NEGR1: variants seen among roughly 807,000 people sequenced by gnomAD.
The protein encoded by NEGR1 is IgLON family member 4.
In NEGR1, 10 loss-of-function variants were observed where a neutral mutation model predicts 40.9. The observed-to-expected ratio is 0.24, with a 90% CI of 0.15 to 0.42. NEGR1 has a LOEUF of 0.42. NEGR1 is among the 10% of genes least tolerant of loss of function. The probability of loss-of-function intolerance (pLI) is 1.00; values close to 1 mark genes in which losing one functional copy is unlikely to be tolerated. For synonymous variants in NEGR1, 185 were observed against 166.8 expected, an observed-to-expected ratio of 1.11 and a Z score of -0.84; for missense variants, 352 against 438.9, an observed-to-expected ratio of 0.80 and a Z score of 1.77.
At chr1:71,968,014 A>G (rs1303718751) in intron 1 of NEGR1, among the ~76,000 whole-genome samples, 1 of 151,770 alleles carries the variant, frequency 6.6e-6, no homozygotes, top group African/African-American at 2.4e-5. Flanking sequence ...ACATCTTGCT[A>G]CAACTACGGA....
chr1:71,472,303 T>G (rs1646788002), intron 6 of NEGR1, among the ~76,000 whole-genome samples: 1 of 152,112 alleles, frequency 6.6e-6, no homozygotes, highest in Admixed American at 6.6e-5. Flanking sequence ...TTTTCCTAAT[T>G]TGGAGATATT....
chr1:72,051,439 C>T (rs1647059835), intron 1 of NEGR1, among the ~76,000 whole-genome samples: 1 of 151,410 alleles, frequency 6.6e-6, no homozygotes. Flanking sequence ...GAATCCAGCT[C>T]ACTTATGGTT....
intron 1 of NEGR1, among the ~76,000 whole-genome samples, chr1:72,157,602 G>A (rs1485368854): frequency 2.0e-5 from 3 of 152,080 alleles, no homozygotes; most frequent in African/African-American, 4.8e-5. Context: ...TTTTTAATAT[G>A]AAGAGGTTAT....
At chr1:72,213,113 T>C (rs895904820) in intron 1 of NEGR1, among the ~76,000 whole-genome samples, 3 of 151,958 alleles carry the variant, frequency 2.0e-5, no homozygotes, top group African/African-American at 7.2e-5. Flanking sequence ...GAATAAATAT[T>C]GCATCTTTCA....
chr1:71,885,442 T>C (rs1448482939), intron 2 of NEGR1, among the ~76,000 whole-genome samples: 1 of 152,184 alleles, frequency 6.6e-6, no homozygotes, highest in African/African-American at 2.4e-5. Context: ...GTTTAGTTTT[T>C]TGTTTGTTTG....
chr1:71,730,568 T>TA (rs1491415499), intron 3 of NEGR1, among the ~76,000 whole-genome samples: 3,088 of 124,668 alleles, frequency 0.025, 48 homozygotes, highest in Admixed American at 0.04. Context: ...ATAGTATAAA[T>TA]TTATATATAT....
chr1:71,508,294 T>C (rs1647049165), intron 6 of NEGR1, among the ~76,000 whole-genome samples: 1 of 151,988 alleles, frequency 6.6e-6, no homozygotes, highest in Non-Finnish European at 1.5e-5. Context: ...GGACTCCCCA[T>C]ACTTGAGTCA....
chr1:71,586,499 C>T (rs1649312649), intron 6 of NEGR1, among the ~76,000 whole-genome samples: 1 of 152,138 alleles, frequency 6.6e-6, no homozygotes, highest in African/African-American at 2.4e-5. Context: ...GAAGAATTGA[C>T]TATGTAAAAT....
At chr1:72,130,319 A>T (rs1208093516) in intron 1 of NEGR1, among the ~76,000 whole-genome samples, 1 of 152,184 alleles carries the variant, frequency 6.6e-6, no homozygotes, top group Non-Finnish European at 1.5e-5. Flanking sequence ...TGAAATATCA[A>T]CCAGGTTGCT....
At chr1:71,663,013 G>T (rs752203705) in intron 4 of NEGR1, among the ~76,000 whole-genome samples, 67 of 151,882 alleles carry the variant, frequency 4.4e-4, no homozygotes, top group Admixed American at 8.5e-4. Flanking sequence ...CTGGAGTGCA[G>T]TGGCACGATC....
chr1:71,719,855 A>T (rs1229882513), intron 3 of NEGR1, among the ~76,000 whole-genome samples: 1 of 152,084 alleles, frequency 6.6e-6, no homozygotes, highest in Non-Finnish European at 1.5e-5. Context: ...TGTAAAGACC[A>T]ATGTGAGATA....
chr1:71,731,627 A>C (rs2101664867), intron 3 of NEGR1, among the ~76,000 whole-genome samples: 1 of 152,204 alleles, frequency 6.6e-6, no homozygotes, highest in East Asian at 1.9e-4. Context: ...TAAAAAGCAC[A>C]CATCTTTTTT....
intron 2 of NEGR1, among the ~76,000 whole-genome samples, chr1:71,883,921 G>A (rs529912070): frequency 1.3e-5 from 2 of 152,022 alleles, no homozygotes; most frequent in African/African-American, 2.4e-5. Context: ...TGTTAGAAAC[G>A]AAAATATTTA....
chr1:72,141,045 G>C (rs1187369700), intron 1 of NEGR1, among the ~76,000 whole-genome samples: 1 of 151,974 alleles, frequency 6.6e-6, no homozygotes, highest in Non-Finnish European at 1.5e-5. Context: ...ATGATATAAT[G>C]TAGTAAATCC....
intron 1 of NEGR1, among the ~76,000 whole-genome samples, chr1:72,003,920 T>A (rs1450623210): frequency 6.6e-6 from 1 of 152,126 alleles, no homozygotes; most frequent in Non-Finnish European, 1.5e-5. Context: ...GCATGAGCCA[T>A]TTTCTATGGA....
intron 1 of NEGR1, among the ~76,000 whole-genome samples, chr1:71,946,224 A>G (rs1646017323): frequency 6.6e-6 from 1 of 152,072 alleles, no homozygotes; most frequent in Admixed American, 6.6e-5. Flanking sequence ...GCATGCCACC[A>G]TGCCTGGCTA....
chr1:71,550,889 C>T (rs928486916), intron 6 of NEGR1, among the ~76,000 whole-genome samples: 6 of 151,570 alleles, frequency 4.0e-5, no homozygotes, highest in Non-Finnish European at 7.4e-5. Context: ...TGAGATAAGC[C>T]CTACGTATTC....
chr1:72,175,563 T>C (rs1192288415), intron 1 of NEGR1, among the ~76,000 whole-genome samples: 3 of 152,110 alleles, frequency 2.0e-5, no homozygotes, highest in Middle Eastern at 3.2e-3. Context: ...GGCATCACGA[T>C]TGCATTGAGG....
At chr1:72,205,756 C>T (rs1052132830) in intron 1 of NEGR1, among the ~76,000 whole-genome samples, 1 of 30,886 alleles carries the variant, frequency 3.2e-5, no homozygotes, top group Non-Finnish European at 6.3e-5. Context: ...CCCATTTCTA[C>T]AAAAAAAAAA....
Sources: allele counts gnomAD v4.1 joint callset (sites outside exome capture counted in the v4.1 genomes callset), GRCh38; gene constraint gnomAD v4.1.1; transcripts MANE v1.5; gene names NCBI Gene and HGNC (gene_info 2026-07-23, HGNC 2026-07-21).